YIPF1: variants seen among roughly 807,000 people sequenced by gnomAD.
YIPF1 encodes Yip1 domain family member 1, also known as protein YIPF1.
Under a neutral mutation model 37.0 loss-of-function variants are expected in YIPF1, and 22 were observed. The observed-to-expected ratio is 0.59, with a 90% CI of 0.42 to 0.85. The LOEUF (loss-of-function observed/expected upper bound fraction) is 0.85. Among genes scored for constraint, YIPF1 ranks in the 40% least tolerant of loss-of-function variants. The probability of loss-of-function intolerance (pLI) is 0.00; values close to 1 mark genes in which losing one functional copy is unlikely to be tolerated. For missense variants in YIPF1, 355 were observed against 373.1 expected (o/e 0.95, Z 0.40); for synonymous variants, 128 against 131.9 (o/e 0.97, Z 0.21).
chr1:53,882,041 T>A (rs1650515075), intron 4 of YIPF1, among the ~76,000 whole-genome samples: 1 of 152,144 alleles, frequency 6.6e-6, no homozygotes. Context: ...GAAAAAGGAA[T>A]GAGATCATGT....
At chr1:53,861,054 C>G (rs142751255) in intron 9 of YIPF1, among the ~76,000 whole-genome samples, 346 of 152,320 alleles carry the variant, frequency 2.3e-3, no homozygotes, top group African/African-American at 8.1e-3. Flanking sequence ...CAGCTCTGCT[C>G]TCTATCAGCC....
chr1:53,873,968 A>G (rs1176077413), intron 6 of YIPF1, among the ~76,000 whole-genome samples: 3 of 152,160 alleles, frequency 2.0e-5, no homozygotes, highest in East Asian at 3.8e-4. Flanking sequence ...TGGAGAAACA[A>G]TATTTTCAGG....
At chr1:53,852,765 T>C (rs72662347) in intron 10 of YIPF1, among the ~76,000 whole-genome samples, 20,845 of 141,416 alleles carry the variant, frequency 0.15, 1,552 homozygotes, top group South Asian at 0.28. Context: ...AATTTTGTTA[T>C]TTGGGCAATA....
intron 3 of YIPF1, among the ~76,000 whole-genome samples, chr1:53,883,481 G>A (rs1650559208): frequency 6.6e-6 from 1 of 152,164 alleles, no homozygotes; most frequent in African/African-American, 2.4e-5. Context: ...AGAATTTGGA[G>A]TCAGACCTAG....
intron 10 of YIPF1, among the ~76,000 whole-genome samples, chr1:53,859,672 A>G (rs1254889962): frequency 6.6e-6 from 1 of 152,170 alleles, no homozygotes; most frequent in Non-Finnish European, 1.5e-5. Context: ...TCTCAAAAAG[A>G]AAAAAAGAAA....
chr1:53,865,744 T>C (rs1423673941), intron 9 of YIPF1, among the ~76,000 whole-genome samples: 1 of 152,174 alleles, frequency 6.6e-6, no homozygotes, highest in South Asian at 2.1e-4. Flanking sequence ...ACTTCCCATG[T>C]AGGTGAGTCT....
chr1:53,866,792 T>C lies in YIPF1; in HGVS notation c.614A>G (p.Tyr205Cys), dbSNP rs575845402. The C allele has an allele frequency of 4.3e-5, 70 of 1,613,996 alleles. No homozygotes were observed. Among genetic ancestry groups the C allele is most frequent in the South Asian group, 6.6e-5 (6 of 91,076 alleles). Residue 205 changes from tyrosine (Y) to cysteine (C), a missense_variant, in exon 8 of 11, where the codon TAT (tyrosine) becomes TGT (cysteine). Coordinates refer to ENST00000072644, the MANE Select transcript of YIPF1 (RefSeq NM_018982.5). ...GATATAAATGAAGAGGGAATATCCA[T>C]AGACACACACAATCTCCAGAAATGA... ...SYSFLEIVCV[Y>C]GYSLFIYIPT... is the part of the protein sequence containing the mutation.
At chr1:53,882,580 C>T (rs952408975) in intron 4 of YIPF1, among the ~76,000 whole-genome samples, 1 of 152,088 alleles carries the variant, frequency 6.6e-6, no homozygotes, top group African/African-American at 2.4e-5. Context: ...ACCTTAGTTT[C>T]CCGAGTAGCT....
intron 7 of YIPF1, among the ~76,000 whole-genome samples, chr1:53,867,374 T>TC (rs1019992982): frequency 2.1e-5 from 3 of 142,062 alleles, no homozygotes; most frequent in Non-Finnish European, 4.6e-5. Flanking sequence ...TTCCTTTTTT[T>TC]TTTTTTTTTT....
Position 53,866,788 on chromosome 1 carries a change from T to C in YIPF1, c.618A>G (p.Gly206=). The C allele has an allele frequency of 6.2e-7, 1 of 1,614,064 alleles. No homozygotes were observed. The highest frequency in any genetic ancestry group is 8.5e-7 in the Non-Finnish European group (1 of 1,179,976). ...TGGGGATATAAATGAAGAGGGAATA[T>C]CCATAGACACACACAATCTCCAGAA... ...YSFLEIVCVY[G]YSLFIYIPTA... The change falls in exon 8 of 11, where the codon GGA becomes GGG. Residue 206 remains glycine, a synonymous_variant. Coordinates refer to ENST00000072644, the MANE Select transcript of YIPF1 (RefSeq NM_018982.5).
Position 53,878,329 on chromosome 1 carries a change from T to C in YIPF1, c.350A>G (p.Asn117Ser), listed in dbSNP as rs1339368411. The change falls in exon 6 of 11, where the codon AAT becomes AGT. Residue 117 changes from asparagine (N) to serine (S), a missense_variant. Asn to Ser is a conservative substitution (Grantham distance 46). Transcript: ENST00000072644. The part of the protein sequence containing the change: ...KNFVRLYIRS[N>S]PDLYGPFWIC... ...ACTAAACATACCATAGAGATCTGGA[T>C]TGCTGCGGATATATAACCTCACAAA... The C allele has an allele frequency of 1.2e-6, 2 of 1,613,960 alleles. No homozygotes were observed. The highest frequency in any genetic ancestry group is 1.7e-6 in the Non-Finnish European group (2 of 1,179,986).
intron 9 of YIPF1, among the ~76,000 whole-genome samples, chr1:53,865,132 C>T (rs1425419476): frequency 6.6e-6 from 1 of 152,200 alleles, no homozygotes; most frequent in Non-Finnish European, 1.5e-5. Flanking sequence ...TATCTGACTT[C>T]ATTTTCAAGC....
chr1:53,869,160 T>TCTCTCTCTCTCTCACACA (rs911930860), intron 7 of YIPF1, among the ~76,000 whole-genome samples: 1 of 137,982 alleles, frequency 7.2e-6, no homozygotes. Flanking sequence ...TCTCTCTCTC[T>TCTCTCTCTCTCTCACACA]CACACACACA....
chr1:53,872,629 T>C (rs1035029066), intron 6 of YIPF1, among the ~76,000 whole-genome samples: 9 of 152,362 alleles, frequency 5.9e-5, no homozygotes, highest in East Asian at 1.9e-4. Context: ...ATTTCACTAA[T>C]ATTTTGCAAC....
rs558306592 is a variant in YIPF1 at position 53,867,145 on chromosome 1, G to A, written c.482-221C>T. Among the ~76,000 whole-genome samples the A allele has an allele frequency of 4.9e-4, 75 of 152,120 alleles. 1 individual carries two copies. Among genetic ancestry groups the A allele is most frequent in the Non-Finnish European group, 1.0e-3 (71 of 68,050 alleles). ...TTGAATTAATGAATCTTTACCATTC[G>A]TCTTTGTGGTGAGGATCAATAGTCT... On this transcript the variant is annotated intron_variant, in intron 7 of 10. Coordinates refer to ENST00000072644, the MANE Select transcript of YIPF1 (RefSeq NM_018982.5).
intron 4 of YIPF1, 124 bp downstream of exon 4, chr1:53,882,989 C>T: frequency 4.5e-6 from 5 of 1,109,834 alleles, no homozygotes; most frequent in South Asian, 3.8e-5. Flanking sequence ...AGGAAGAGGC[C>T]ATGTGTCATT....
chr1:53,860,346 T>C (rs1412844525), intron 9 of YIPF1, among the ~76,000 whole-genome samples, 193 bp from the exon 10 acceptor site: 1 of 152,218 alleles, frequency 6.6e-6, no homozygotes, highest in Non-Finnish European at 1.5e-5. Flanking sequence ...CTTTAAAAAA[T>C]TTAGCTATCA....
chr1:53,889,210 G>A (rs965089499), intron 2 of YIPF1, 34 bp downstream of exon 2: 4 of 377,738 alleles, frequency 1.1e-5, no homozygotes, highest in African/African-American at 6.0e-5. Flanking sequence ...ACCTTATTTG[G>A]TTGTGTATGT....
intron 6 of YIPF1, among the ~76,000 whole-genome samples, chr1:53,872,883 C>T (rs1650229903): frequency 6.6e-6 from 1 of 152,154 alleles, no homozygotes; most frequent in South Asian, 2.1e-4. Flanking sequence ...AGGACTAAAT[C>T]TCACAGTATT....
Sources: allele counts gnomAD v4.1 joint callset (sites outside exome capture counted in the v4.1 genomes callset), GRCh38; gene constraint gnomAD v4.1.1; transcripts MANE v1.5; gene names NCBI Gene and HGNC (gene_info 2026-07-23, HGNC 2026-07-21).